Variants in STK31 observed in about 807,000 individuals in gnomAD.
STK31 encodes the protein serine/threonine-protein kinase 31.
A neutral mutation model predicts 129.7 loss-of-function variants in STK31; 89 were observed. That is an observed-to-expected ratio of 0.69 (90% CI 0.58 to 0.82). The LOEUF (loss-of-function observed/expected upper bound fraction) is 0.82. Ranked by LOEUF, STK31 falls within the 40% of genes least tolerant of loss-of-function variation. STK31 has a pLI of 0.00. For missense variants in STK31, 1,187 were observed against 1,176.4 expected, an observed-to-expected ratio of 1.01 and a Z score of -0.13; for synonymous variants, 448 against 395.3, an observed-to-expected ratio of 1.13 and a Z score of -1.58.
intron 23 of STK31, among the ~76,000 whole-genome samples, chr7:23,825,185 C>T (rs1432963718): frequency 6.6e-6 from 1 of 152,206 alleles, no homozygotes; most frequent in Non-Finnish European, 1.5e-5. Context: ...ACCAGCTCCT[C>T]CTTTTACCTC....
At chr7:23,772,085 G>T in intron 14 of STK31, 62 bp from the exon 15 acceptor site, 2 of 1,213,508 alleles carry the variant, frequency 1.6e-6, no homozygotes, top group Non-Finnish European at 2.3e-6. Flanking sequence ...AATAATAAAT[G>T]ATCACTGTTC....
intron 23 of STK31, among the ~76,000 whole-genome samples, chr7:23,827,867 C>T (rs1006642260): frequency 6.6e-6 from 1 of 152,114 alleles, no homozygotes; most frequent in African/African-American, 2.4e-5. Context: ...CACTCCAGAC[C>T]CTGTTTGTCT....
chr7:23,753,159 T>C (rs568352856), intron 9 of STK31, among the ~76,000 whole-genome samples: 4 of 152,226 alleles, frequency 2.6e-5, no homozygotes, highest in Non-Finnish European at 4.4e-5. Context: ...GAGTACAGCA[T>C]GTCCTTGAAT....
In STK31 at chr7:23,750,911, T is replaced by G. The variant is rs536234284; in HGVS notation, c.1018-1806T>G. Among the ~76,000 whole-genome samples the G allele has an allele frequency of 4.7e-4, 71 of 152,336 alleles. 2 individuals carry two copies. Among genetic ancestry groups the G allele is most frequent in the African/African-American group, 1.6e-3 (67 of 41,580 alleles). ...TTCAAGACCTCTCTTCTAGCTATTT[T>G]GAAATATACAATACATCATTAACTG... is the stretch of plus-strand genomic sequence containing the variant. On this transcript the variant is annotated intron_variant, in intron 8 of 23. Transcript: ENST00000355870.
intron 5 of STK31, among the ~76,000 whole-genome samples, chr7:23,728,072 C>CTTTTTTTTTTTTTTTTTTTTTTTTTTTAT (rs1787196510): frequency 1.5e-5 from 1 of 68,290 alleles, no homozygotes. Context: ...TTGTGTTAAG[C>CTTTTTTTTTTTTTTTTTTTTTTTTTTTAT]TTTTTTTTTT....
chr7:23,741,239 A>C (rs187085352), intron 8 of STK31, among the ~76,000 whole-genome samples: 14 of 152,244 alleles, frequency 9.2e-5, no homozygotes, highest in Admixed American at 4.6e-4. Flanking sequence ...ATCCTGGAAA[A>C]GTTATTTCTC....
At chr7:23,764,587 A>G (rs867421261) in intron 11 of STK31, among the ~76,000 whole-genome samples, 5 of 152,300 alleles carry the variant, frequency 3.3e-5, no homozygotes, top group Middle Eastern at 6.8e-3. Flanking sequence ...TAAGTTCAAA[A>G]AGAAATTGTA....
intron 23 of STK31, among the ~76,000 whole-genome samples, chr7:23,825,434 C>T (rs1381148702): frequency 6.6e-6 from 1 of 152,190 alleles, no homozygotes; most frequent in African/African-American, 2.4e-5. Flanking sequence ...TCTGTGGGAT[C>T]ACTGGTGATA....
intron 3 of STK31, 76 bp from the exon 4 acceptor site, chr7:23,717,405 A>T (rs1218923462): frequency 2.1e-6 from 2 of 949,424 alleles, no homozygotes. Flanking sequence ...TAAGTTTATC[A>T]TGCTTAGAAC....
chr7:23,797,060 C>T (rs1792013171), intron 22 of STK31, among the ~76,000 whole-genome samples: 1 of 152,106 alleles, frequency 6.6e-6, no homozygotes, highest in African/African-American at 2.4e-5. Context: ...ACAAGAAGAG[C>T]TAACTATCCT....
At chr7:23,804,416 T>G (rs1276166865) in intron 22 of STK31, among the ~76,000 whole-genome samples, 2 of 152,204 alleles carry the variant, frequency 1.3e-5, no homozygotes, top group Non-Finnish European at 2.9e-5. Flanking sequence ...GAACTGTGCC[T>G]GGTGCAAAGT....
At chr7:23,822,023 A>G (rs1793813695) in intron 23 of STK31, among the ~76,000 whole-genome samples, 1 of 152,052 alleles carries the variant, frequency 6.6e-6, no homozygotes. Flanking sequence ...TACTAATAAA[A>G]CGCTGTGTTG....
intron 11 of STK31, among the ~76,000 whole-genome samples, chr7:23,768,553 A>G (rs916837780): frequency 1.3e-5 from 2 of 152,164 alleles, no homozygotes; most frequent in African/African-American, 4.8e-5. Context: ...GGAGACTCAG[A>G]AGGGTGATTA....
chr7:23,815,293 C>T (rs547970672), intron 23 of STK31, 81 bp downstream of exon 23: 4 of 1,024,258 alleles, frequency 3.9e-6, no homozygotes, highest in South Asian at 4.1e-5. Flanking sequence ...AGTTGTCCTC[C>T]AGTTTTTCTA....
At chr7:23,741,142 C>T (rs969378514) in intron 8 of STK31, among the ~76,000 whole-genome samples, 2 of 152,094 alleles carry the variant, frequency 1.3e-5, no homozygotes, top group Non-Finnish European at 2.9e-5. Flanking sequence ...GTTGCTCTGT[C>T]CTTTTGATGT....
chr7:23,715,122 G>C (rs1786223815), intron 3 of STK31, among the ~76,000 whole-genome samples: 1 of 152,202 alleles, frequency 6.6e-6, no homozygotes, highest in African/African-American at 2.4e-5. Flanking sequence ...TTGGGGTTAT[G>C]GTGGGATATA....
At chr7:23,775,037 C>T (rs557694463) in intron 15 of STK31, among the ~76,000 whole-genome samples, 3 of 152,226 alleles carry the variant, frequency 2.0e-5, no homozygotes, top group African/African-American at 7.2e-5. Flanking sequence ...GTAGGGAATC[C>T]TTTCCCCATT....
chr7:23,772,000 G>A (rs912224152), intron 14 of STK31, 147 bp from the exon 15 acceptor site: 34 of 516,206 alleles, frequency 6.6e-5, no homozygotes, highest in Non-Finnish European at 1.0e-4. Context: ...CTATTGAATT[G>A]TCTTGTTGAA....
In STK31 at chr7:23,742,413, G is replaced by C. The variant is rs145200029; in HGVS notation, c.1017+5335G>C. Among the ~76,000 whole-genome samples, 45 of 152,312 alleles carry C rather than the reference G, an allele frequency of 3.0e-4. No homozygotes were observed. The East Asian group carries it at 5.6e-3, about 19-fold the overall frequency. On this transcript the variant is annotated intron_variant, in intron 8 of 23. Transcript: ENST00000355870. ...CTGCAGCCATGTCTATAGGTCCCTG[G>C]TATCTAAACTCTTAAAGTGGCTCCC...
Sources: allele counts gnomAD v4.1 joint callset (sites outside exome capture counted in the v4.1 genomes callset), GRCh38; gene constraint gnomAD v4.1.1; transcripts MANE v1.5; gene names NCBI Gene and HGNC (gene_info 2026-07-23, HGNC 2026-07-21).